Variants in PFAS observed in about 807,000 individuals in gnomAD.
The protein encoded by PFAS is phosphoribosylformylglycinamidine synthase, also known as FGAM synthase.
In PFAS, 97 loss-of-function variants were observed where a neutral mutation model predicts 140.6. The observed-to-expected ratio is 0.69, with a 90% CI of 0.59 to 0.82. PFAS has a LOEUF of 0.82. Ranked by LOEUF, PFAS falls within the 40% of genes least tolerant of loss-of-function variation. PFAS has a pLI of 0.00. For synonymous variants in PFAS, 679 were observed against 718.8 expected (o/e 0.94, Z 0.88); for missense variants, 1,656 against 1,780.2 (o/e 0.93, Z 1.26).
intron 4 of PFAS, 41 bp from the exon 5 acceptor site, chr17:8,255,461 A>T: frequency 2.1e-6 from 3 of 1,432,312 alleles, no homozygotes; most frequent in Non-Finnish European, 2.8e-6. Context: ...CTCCATTCTT[A>T]AACTCTTCAC....
chr17:8,256,401 A>C lies in PFAS; in HGVS notation c.815A>C (p.Asn272Thr), dbSNP rs2151580015. The stretch of plus-strand genomic sequence containing the variant: ...AACAACGTCCTCAAATTCTGTGATA[A>C]CAGCAGGTGCTGTGCCCTAGACTGG... ...NPNNVLKFCD[N>T]SSAIQGKEVR... The change falls in exon 7 of 28, where the codon AAC becomes ACC. Residue 272 changes from asparagine to threonine, a missense_variant. Physicochemically the swap from Asn to Thr is moderately conservative, Grantham distance 65. Transcript: ENST00000314666. The C allele has an allele frequency of 6.2e-7, 1 of 1,614,076 alleles. No individual in the cohort carries two copies. Among genetic ancestry groups the C allele is most frequent in the South Asian group, 1.1e-5 (1 of 91,084 alleles).
rs1989865772 is a variant in PFAS at position 8,267,475 on chromosome 17, AGGGG to A, written c.3267+14_3267+17del. The stretch of plus-strand genomic sequence containing the variant: ...TAGCTGGGTTTGAGGTGAGCAGGGT[AGGGG>A]GCAGCTGGGGGTGATTGTCCAGCCT... On this transcript the variant is annotated intron_variant, in intron 25 of 27. Coordinates refer to ENST00000314666, the MANE Select transcript of PFAS (RefSeq NM_012393.3). This position sits in a 1 kb window ranked among gnomAD's most constrained non-coding sequence, Gnocchi z 4.9. The A allele has an allele frequency of 6.2e-7, 1 of 1,611,578 alleles. No individual in the cohort carries two copies. The highest frequency in any genetic ancestry group is 1.3e-5 in the African/African-American group (1 of 74,876).
chr17:8,263,450 G>A, intron 13 of PFAS, 125 bp from the exon 14 acceptor site: 1 of 1,017,840 alleles, frequency 9.8e-7, no homozygotes, highest in Non-Finnish European at 1.5e-6. Context: ...ATGATTGGTG[G>A]TAAGGGTGCG....
chr17:8,265,247 ATT>A (rs1273370489), intron 18 of PFAS, 39 bp from the exon 19 acceptor site: 1 of 1,597,302 alleles, frequency 6.3e-7, no homozygotes, highest in Admixed American at 1.7e-5. Context: ...GCCTCTCCAC[ATT>A]TCTCTTCCCC....
At chr17:8,248,510 C>G (rs923273402), upstream of PFAS, among the ~76,000 whole-genome samples, 1 of 150,234 alleles carries the variant, frequency 6.7e-6, no homozygotes, top group Non-Finnish European at 1.5e-5. Flanking sequence ...ATCCACCCGC[C>G]TCAGCCTCCC....
rs1017720895 is a variant in PFAS, at chr17:8,266,113, C to T, written c.2701+96C>T. 4.0e-5 allele frequency: 62 copies of T among 1,531,304 alleles called. No individual in the cohort carries two copies. The highest frequency in any genetic ancestry group is 4.5e-5 in the East Asian group (2 of 44,346). 94.9% of individuals were successfully genotyped at this position (1,531,304 alleles called of 1,614,324 possible). A position where few individuals can be genotyped will look rare whatever the true frequency, so the allele number is the denominator to read the frequency against. On this transcript the variant is annotated intron_variant, in intron 21 of 27. Transcript: ENST00000314666. The surrounding 1 kb of genome is among the most constrained non-coding windows in gnomAD (Gnocchi z 5.0). ...GTGGGGCAAAAGGGACTCCAATGGA[C>T]GATGTACCCCAGATCCCCTGACATT...
Position 8,266,148 on chromosome 17 carries a change from A to T in PFAS, c.2702-86A>T, listed in dbSNP as rs1270793640. The T allele has an allele frequency of 6.4e-7, 1 of 1,573,298 alleles. No homozygotes were observed. The highest frequency in any genetic ancestry group is 8.7e-7 in the Non-Finnish European group (1 of 1,155,518). On this transcript the variant is annotated intron_variant, in intron 21 of 27. Transcript: ENST00000314666. This position sits in a 1 kb window ranked among gnomAD's most constrained non-coding sequence, Gnocchi z 5.0. The stretch of plus-strand genomic sequence containing the variant: ...CAGATCCCCTGACATTCTGACACAC[A>T]CTCTTGATGGACTGACTCCGGAAGG...
Position 8,265,477 on chromosome 17 carries a change from TG to T in PFAS, c.2461+12del. The T allele has an allele frequency of 6.2e-7, 1 of 1,613,314 alleles. No individual in the cohort carries two copies. The highest frequency in any genetic ancestry group is 8.5e-7 in the Non-Finnish European group (1 of 1,179,392). On this transcript the variant is annotated intron_variant, in intron 19 of 27. Transcript: ENST00000314666. ...GACCGTGCGGGCTCCTGGTGAGGTG[TG>T]GGAGCCCCAGGGAGGGGAGGAGGAA...
intron 15 of PFAS, 125 bp downstream of exon 15, chr17:8,264,061 TGTGGG>T: frequency 1.4e-6 from 2 of 1,454,186 alleles, no homozygotes; most frequent in East Asian, 2.3e-5. Flanking sequence ...GCAAACAAGC[TGTGGG>T]GAATGTTGGA....
chr17:8,248,861 C>G (rs929839710), upstream of PFAS, among the ~76,000 whole-genome samples: 1 of 152,306 alleles, frequency 6.6e-6, no homozygotes, highest in Non-Finnish European at 1.5e-5. Context: ...GCCCAGCCTC[C>G]GTCTCCCTCC....
Position 8,255,014 on chromosome 17 carries a change from G to GC in PFAS, c.279-10dup. On this transcript the variant is annotated splice_polypyrimidine_tract_variant and intron_variant, in intron 3 of 27. Coordinates refer to ENST00000314666, the MANE Select transcript of PFAS (RefSeq NM_012393.3). ...GGGGTTCTCCAGTCCTAACCATCAG[G>GC]CCCATTGTTCAGGCTGAACTTCTCC... The GC allele has an allele frequency of 6.3e-7, 1 of 1,599,892 alleles. No individual in the cohort carries two copies.
In PFAS at chr17:8,266,527, C is replaced by G; in HGVS notation, c.2821+174C>G. 6.9e-7 allele frequency: 1 copy of G among 1,453,834 alleles called. No homozygotes were observed. The highest frequency in any genetic ancestry group is 9.0e-7 in the Non-Finnish European group (1 of 1,106,750). 90.1% of individuals were successfully genotyped at this position (1,453,834 alleles called of 1,614,324 possible). On this transcript the variant is annotated intron_variant, in intron 22 of 27. Transcript: ENST00000314666. This position sits in a 1 kb window ranked among gnomAD's most constrained non-coding sequence, Gnocchi z 5.0. ...TGAACTGGATGGAACTGGCTGACAC[C>G]CACCATGTTCCTGACTGCACCCCTC...
At chr17:8,264,373 T>G in intron 16 of PFAS, 36 bp downstream of exon 16, 23 of 1,612,750 alleles carry the variant, frequency 1.4e-5, no homozygotes, top group Non-Finnish European at 2.0e-5. Context: ...TTTCCTGTGG[T>G]CCTCTCCACA....
chr17:8,262,196 C>T (rs951725298), intron 11 of PFAS, among the ~76,000 whole-genome samples: 2 of 152,028 alleles, frequency 1.3e-5, no homozygotes, highest in African/African-American at 4.8e-5. Context: ...TACTTCATTA[C>T]ATTCCTATAT....
At chr17:8,257,695 C>A in intron 9 of PFAS, 112 bp from the exon 10 acceptor site, 1 of 1,103,996 alleles carries the variant, frequency 9.1e-7, no homozygotes, top group Non-Finnish European at 1.4e-6. Context: ...TGGAACATTG[C>A]AACCATGCAG....
At chr17:8,247,813 C>G, upstream of PFAS, 1 of 616,358 alleles carries the variant, frequency 1.6e-6, no homozygotes, top group Non-Finnish European at 3.0e-6. Flanking sequence ...TCACAGCGGG[C>G]GCCGCGTGAA....
In PFAS at chr17:8,268,977, G is replaced by A. The variant is rs569774375; in HGVS notation, c.3730G>A (p.Glu1244Lys). The A allele has an allele frequency of 6.2e-7, 1 of 1,614,148 alleles. No homozygotes were observed. Among genetic ancestry groups the A allele is most frequent in the Non-Finnish European group, 8.5e-7 (1 of 1,180,020 alleles). ...AGGTTACGTAGCATTTTCTTCTCCG[G>A]AACTCCAAGCTCAGATTGAGGCCAG... Reference protein sequence around the residue: ...GEGYVAFSSPELQAQIEARGL... With the variant: ...GEGYVAFSSPKLQAQIEARGL... The change falls in exon 28 of 28, where the codon GAA becomes AAA. Residue 1244 changes from glutamate (E) to lysine (K), a missense_variant. Physicochemically the swap from Glu to Lys is moderately conservative, Grantham distance 56. This residue lies in a region of PFAS where 883 missense variants were observed against 1,023.0 expected (regional missense o/e 0.86). Transcript: ENST00000314666.
intron 11 of PFAS, 30 bp from the exon 12 acceptor site, chr17:8,262,890 G>T: frequency 6.3e-7 from 1 of 1,586,774 alleles, no homozygotes; most frequent in Non-Finnish European, 8.7e-7. Flanking sequence ...GGCTTCCCCA[G>T]TGTTCTGATT....
In PFAS at chr17:8,266,984, C is replaced by T. The variant is rs1419674444; in HGVS notation, c.2968-44C>T. ...CATCCCTCTCCCACTGTGGAGGGGG[C>T]CATCCTTTCTCCTAGCCCGTGGGAG... On this transcript the variant is annotated intron_variant, in intron 23 of 27. Transcript: ENST00000314666. The surrounding 1 kb of genome is among the most constrained non-coding windows in gnomAD (Gnocchi z 5.0). The T allele has an allele frequency of 6.2e-7, 1 of 1,606,200 alleles. No homozygotes were observed. Among genetic ancestry groups the T allele is most frequent in the South Asian group, 1.1e-5 (1 of 90,888 alleles).
Sources: gnomAD v4.1 joint callset for allele counts (sites outside exome capture counted in the v4.1 genomes callset) on GRCh38, gnomAD v4.1.1 for gene constraint, gnomAD v4.1.1 regional missense constraint, Gnocchi (gnomAD v3.1) non-coding constraint, MANE v1.5 for transcripts, NCBI Gene and HGNC (gene_info 2026-07-23, HGNC 2026-07-21) for gene names.